Variants in FRYL observed in about 807,000 individuals in gnomAD.
The protein encoded by FRYL is FRY like transcription coactivator, also known as protein furry homolog-like.
FRYL carries 150 observed loss-of-function variants against 351.2 expected under a neutral mutation model. The ratio of observed to expected loss-of-function variants is 0.43; its 90% CI spans 0.37 to 0.49. The LOEUF (loss-of-function observed/expected upper bound fraction) is 0.49, where lower values mean the gene tolerates loss of function less well. Among genes scored for constraint, FRYL ranks in the 20% least tolerant of loss-of-function variants. The pLI, the probability that FRYL is intolerant of heterozygous loss-of-function variation, is 0.00. For missense variants in FRYL, 3,036 were observed against 3,619.3 expected (o/e 0.84, Z 4.13); for synonymous variants, 1,153 against 1,257.1 (o/e 0.92, Z 1.75).
At chr4:48,747,386 T>C (rs1467827883) in intron 1 of FRYL, among the ~76,000 whole-genome samples, 6 of 152,206 alleles carry the variant, frequency 3.9e-5, no homozygotes, top group Non-Finnish European at 8.8e-5. Flanking sequence ...AAACTGGTAC[T>C]GGTGTAAACA....
At chr4:48,732,964 T>C (rs1235830570) in intron 1 of FRYL, among the ~76,000 whole-genome samples, 2 of 144,418 alleles carry the variant, frequency 1.4e-5, no homozygotes, top group Non-Finnish European at 3.0e-5. Context: ...AAGAAGAAAG[T>C]GGAATGAAAT....
chr4:48,581,672 A>T, intron 20 of FRYL, 67 bp from the exon 21 acceptor site: 3 of 1,322,626 alleles, frequency 2.3e-6, no homozygotes, highest in Non-Finnish European at 3.1e-6. Flanking sequence ...AAAACAGTTA[A>T]TAAAAAATAA....
intron 3 of FRYL, chr4:48,681,219 C>G: frequency 2.4e-6 from 1 of 421,112 alleles, no homozygotes; most frequent in South Asian, 4.1e-5. Context: ...CTATTTGTGT[C>G]AAAGAGCAAA....
intron 1 of FRYL, among the ~76,000 whole-genome samples, chr4:48,752,870 T>G (rs1773389502): frequency 6.6e-6 from 1 of 152,054 alleles, no homozygotes; most frequent in Admixed American, 6.6e-5. Context: ...TAGCACAATG[T>G]GAGAAACAGA....
At chr4:48,747,883 T>A (rs1158473091) in intron 1 of FRYL, among the ~76,000 whole-genome samples, 1 of 152,230 alleles carries the variant, frequency 6.6e-6, no homozygotes, top group Non-Finnish European at 1.5e-5. Flanking sequence ...ATAAAAGTGC[T>A]ATTTTAAGAG....
rs772985781 is a variant in FRYL at position 48,580,964 on chromosome 4, C to T, written c.2173-13G>A. On this transcript the variant is annotated splice_polypyrimidine_tract_variant and intron_variant, in intron 21 of 63. Coordinates refer to ENST00000358350, the MANE Select transcript of FRYL (RefSeq NM_015030.2). ...ATTCATCATCACCCTGTAAAAAAGA[C>T]ATCATATGTCTAAAAAAATTAGGAA... 3 of 1,533,556 alleles carry T rather than the reference C, an allele frequency of 2.0e-6. No individual in the cohort carries two copies. The African/African-American group carries it at 4.2e-5, about 21-fold the overall frequency. 95.0% of individuals were successfully genotyped at this position (1,533,556 alleles called of 1,614,324 possible). A position where few individuals can be genotyped will look rare whatever the true frequency, so the allele number is the denominator to read the frequency against.
Position 48,498,071 on chromosome 4 carries a change from CTTTTTTT to C in FRYL, c.*1344_*1350del, listed in dbSNP as rs59265109. 1 of 139,820 alleles carries C rather than the reference CTTTTTTT, an allele frequency of 7.2e-6. No individual in the cohort carries two copies. The highest frequency in any genetic ancestry group is 1.6e-5 in the Non-Finnish European group (1 of 63,676). The allele number at this position is 139,820 out of a possible 1,614,324, so 8.7% of individuals were successfully genotyped here. A position where few individuals can be genotyped will look rare whatever the true frequency, so the allele number is the denominator to read the frequency against. ...AAATCAGGAGTTGTGGGACTACATT[CTTTTTTT>C]TTTTTTTTCTTTCTTTTCTTACAAA... On this transcript the variant is annotated 3_prime_UTR_variant, in exon 64 of 64. Coordinates refer to ENST00000358350, the MANE Select transcript of FRYL (RefSeq NM_015030.2).
chr4:48,599,568 GTTTTCTT>G (rs1256393705), intron 13 of FRYL, among the ~76,000 whole-genome samples: 30 of 152,100 alleles, frequency 2.0e-4, no homozygotes, highest in Admixed American at 2.6e-4. Flanking sequence ...TTGCTAACAT[GTTTTCTT>G]AAAATATTCA....
chr4:48,535,598 C>CACACAT (rs1728711062), intron 48 of FRYL, 59 bp downstream of exon 48: 2 of 977,718 alleles, frequency 2.0e-6, no homozygotes, highest in South Asian at 2.7e-5. Context: ...CACACACACA[C>CACACAT]ACACACACAC....
chr4:48,677,105 G>C (rs1488793596), intron 3 of FRYL, among the ~76,000 whole-genome samples: 2 of 152,168 alleles, frequency 1.3e-5, no homozygotes, highest in African/African-American at 4.8e-5. Flanking sequence ...AAACCAAAGA[G>C]TTGTTTGAGA....
At chr4:48,654,027 G>A in intron 3 of FRYL, 4 of 808,188 alleles carry the variant, frequency 4.9e-6, no homozygotes, top group Non-Finnish European at 6.5e-6. Context: ...AAGCTTACAA[G>A]TTTATTATAA....
chr4:48,499,595 G>C lies in FRYL; in HGVS notation c.8869C>G (p.Leu2957Val), dbSNP rs1167018310. Reference sequence around the variant, plus strand: ...ACTGCAAAGCTTCCTGTCTGGCCCAGCGTCTGATGATGGAAATATATATGT... The same window carrying C: ...ACTGCAAAGCTTCCTGTCTGGCCCACCGTCTGATGATGGAAATATATATGT... ...LLHIYFHHQT[L>V]GQTGSFAVIG... is the part of the protein sequence containing the mutation. Residue 2957 changes from leucine (L) to valine (V), a missense_variant, in exon 64 of 64, where the codon CTG becomes GTG. Physicochemically the swap from Leu to Val is conservative, Grantham distance 32. This residue lies in a region of FRYL where 1,987 missense variants were observed against 2,311.7 expected (regional missense o/e 0.86). Coordinates refer to ENST00000358350, the MANE Select transcript of FRYL (RefSeq NM_015030.2). The C allele has an allele frequency of 6.2e-7, 1 of 1,614,090 alleles. No individual in the cohort carries two copies. Among genetic ancestry groups the C allele is most frequent in the Non-Finnish European group, 8.5e-7 (1 of 1,179,950 alleles).
At chr4:48,759,351 T>C (rs1774168815) in intron 1 of FRYL, among the ~76,000 whole-genome samples, 1 of 152,194 alleles carries the variant, frequency 6.6e-6, no homozygotes, top group South Asian at 2.1e-4. Context: ...GGTTAGCAGG[T>C]TGTGTTAAGA....
intron 2 of FRYL, among the ~76,000 whole-genome samples, chr4:48,689,453 G>A (rs554906743): frequency 6.6e-6 from 1 of 152,252 alleles, no homozygotes; most frequent in East Asian, 1.9e-4. Context: ...CTAGAGTTAA[G>A]TACCAAGAGA....
chr4:48,665,872 G>A (rs571901732), intron 3 of FRYL, among the ~76,000 whole-genome samples: 2 of 152,284 alleles, frequency 1.3e-5, no homozygotes, highest in East Asian at 3.9e-4. Context: ...AACTTGCCTT[G>A]TTTCCTAAAT....
intron 42 of FRYL, 89 bp downstream of exon 42, chr4:48,545,978 G>T: frequency 1.7e-6 from 2 of 1,206,008 alleles, no homozygotes; most frequent in Non-Finnish European, 1.2e-6. Flanking sequence ...TGGTATTTCA[G>T]ACAACAAAAA....
chr4:48,606,173 T>C (rs1181549797), intron 10 of FRYL, among the ~76,000 whole-genome samples: 1 of 150,292 alleles, frequency 6.7e-6, no homozygotes. Context: ...CTCGGGTGCC[T>C]GAGGCAGGAG....
rs538254666 is a variant in FRYL at position 48,553,015 on chromosome 4, A to AATT, written c.4435+199_4435+200insAAT. ...ATATATATACATTTAAAGACACAAT[A>AATT]AACTCTTGTTTAACAATTATGTTAA... On this transcript the variant is annotated intron_variant, in intron 36 of 63. Transcript: ENST00000358350. Among the ~76,000 whole-genome samples the AATT allele has an allele frequency of 4.6e-3, 699 of 152,310 alleles. 2 individuals carry two copies. The highest frequency in any genetic ancestry group is 7.6e-3 in the Non-Finnish European group (515 of 68,034).
chr4:48,545,610 T>C (rs1731167694), intron 42 of FRYL, among the ~76,000 whole-genome samples: 2 of 152,186 alleles, frequency 1.3e-5, no homozygotes, highest in African/African-American at 4.8e-5. Context: ...AGAACAACTC[T>C]CTTTTCTCTG....
Sources: allele counts gnomAD v4.1 joint callset (sites outside exome capture counted in the v4.1 genomes callset), GRCh38; gene constraint gnomAD v4.1.1; regional missense constraint gnomAD v4.1.1; transcripts MANE v1.5; gene names NCBI Gene and HGNC (gene_info 2026-07-23, HGNC 2026-07-21).